STAT1: variants seen among roughly 807,000 people sequenced by gnomAD.
STAT1 encodes signal transducer and activator of transcription 1-alpha/beta.
Under a neutral mutation model 111.7 loss-of-function variants are expected in STAT1, and 24 were observed. The observed-to-expected ratio is 0.21, with a 90% CI of 0.16 to 0.30. The LOEUF (loss-of-function observed/expected upper bound fraction) is 0.30. STAT1 is among the 10% of genes least tolerant of loss of function. The pLI, the probability that STAT1 is intolerant of heterozygous loss-of-function variation, is 1.00. For missense variants in STAT1, 351 were observed against 911.9 expected (o/e 0.38, Z 7.92); for synonymous variants, 332 against 326.5 (o/e 1.02, Z -0.18).
At position 190,986,720 on chromosome 2, in the gene STAT1, A is replaced by G; in HGVS notation, c.1221+134T>C. Reference sequence around the variant, plus strand: ...AATGCCCCAAGTACTGGCGACAGGAAGACACCAGCCACAAAGTCTACAAAC... The same window carrying G: ...AATGCCCCAAGTACTGGCGACAGGAGGACACCAGCCACAAAGTCTACAAAC... On this transcript the variant is annotated intron_variant, in intron 14 of 24. Coordinates refer to ENST00000361099, the MANE Select transcript of STAT1 (RefSeq NM_007315.4). The surrounding 1 kb of genome is among the most constrained non-coding windows in gnomAD (Gnocchi z 5.0). 1 of 845,868 alleles carries G rather than the reference A, an allele frequency of 1.2e-6. No individual in the cohort carries two copies. The highest frequency in any genetic ancestry group is 2.4e-5 in the East Asian group (1 of 41,326). 52.4% of individuals were successfully genotyped at this position (845,868 alleles called of 1,614,324 possible).
chr2:191,007,266 G>A lies in STAT1; in HGVS notation c.372+297C>T, dbSNP rs1403574469. On this transcript the variant is annotated intron_variant, in intron 5 of 24. Coordinates refer to ENST00000361099, the MANE Select transcript of STAT1 (RefSeq NM_007315.4). This position sits in a 1 kb window ranked among gnomAD's most constrained non-coding sequence, Gnocchi z 4.2. ...GGCCTTTCCTGACCCTGATCTAAAG[G>A]AACAACCCCACTCCCAGCCACTCCA... Among the ~76,000 whole-genome samples, 1 of 152,016 alleles carries A rather than the reference G, an allele frequency of 6.6e-6. No individual in the cohort carries two copies. The highest frequency in any genetic ancestry group is 2.4e-5 in the African/African-American group (1 of 41,362).
At chr2:190,972,488 G>A (rs748368968) in intron 24 of STAT1, among the ~76,000 whole-genome samples, 3 of 152,160 alleles carry the variant, frequency 2.0e-5, no homozygotes, top group African/African-American at 7.2e-5. Flanking sequence ...TGCACCAGGC[G>A]TTGGCCCCTG....
At chr2:190,988,909 G>T (rs1693086189) in intron 12 of STAT1, among the ~76,000 whole-genome samples, 1 of 150,734 alleles carries the variant, frequency 6.6e-6, no homozygotes, top group Non-Finnish European at 1.5e-5. Context: ...TATGGGAGGG[G>T]TGGGGGGGGA....
Position 190,971,840 on chromosome 2 carries a change from G to C in STAT1, c.2239-1123C>G, listed in dbSNP as rs952885763. On this transcript the variant is annotated intron_variant, in intron 24 of 24. Coordinates refer to ENST00000361099, the MANE Select transcript of STAT1 (RefSeq NM_007315.4). The surrounding 1 kb of genome is among the most constrained non-coding windows in gnomAD (Gnocchi z 4.1). ...CGATCCTCCTGCCTCAGCCCCCCTAGTAGCTGGGATTACAGGCACACACCA... is the reference window on the plus strand; with the variant it reads ...CGATCCTCCTGCCTCAGCCCCCCTACTAGCTGGGATTACAGGCACACACCA... Among the ~76,000 whole-genome samples the C allele has an allele frequency of 6.6e-6, 1 of 152,042 alleles. No homozygotes were observed. Among genetic ancestry groups the C allele is most frequent in the Non-Finnish European group, 1.5e-5 (1 of 68,002 alleles).
intron 3 of STAT1, among the ~76,000 whole-genome samples, chr2:191,009,616 G>A (rs888040528): frequency 6.6e-6 from 1 of 152,148 alleles, no homozygotes; most frequent in African/African-American, 2.4e-5. Context: ...CTTGTCCAAA[G>A]CATTTAGGAA....
rs897512492 is a variant in STAT1 at position 190,978,808 on chromosome 2, C to A, written c.1873+48G>T. 1.9e-6 allele frequency: 3 copies of A among 1,609,618 alleles called. No homozygotes were observed. The African/African-American group carries it at 4.0e-5, about 22-fold the overall frequency. Reference sequence around the variant, plus strand: ...GCTGACTGGCGGCGATGAAGAGGGACTTCACACACATGGAATGGTGGGACT... The same window carrying A: ...GCTGACTGGCGGCGATGAAGAGGGAATTCACACACATGGAATGGTGGGACT... On this transcript the variant is annotated intron_variant, in intron 21 of 24. Transcript: ENST00000361099. The surrounding 1 kb of genome is among the most constrained non-coding windows in gnomAD (Gnocchi z 6.1).
chr2:190,979,694 T>C lies in STAT1; in HGVS notation c.1727+78A>G. 8.5e-7 allele frequency: 1 copy of C among 1,175,006 alleles called. No homozygotes were observed. Among genetic ancestry groups the C allele is most frequent in the Non-Finnish European group, 1.3e-6 (1 of 781,902 alleles). The allele number at this position is 1,175,006 out of a possible 1,614,324, so 72.8% of individuals were successfully genotyped here. A position where few individuals can be genotyped will look rare whatever the true frequency, so the allele number is the denominator to read the frequency against. ...GATTCACACACGCCTAGTCAAATAC[T>C]GAAGCTGGACTCAGGCCTTGTCTCA... is the stretch of plus-strand genomic sequence containing the variant. On this transcript the variant is annotated intron_variant, in intron 20 of 24. Transcript: ENST00000361099. The surrounding 1 kb of genome is among the most constrained non-coding windows in gnomAD (Gnocchi z 5.8).
At chr2:191,001,234 G>A in intron 5 of STAT1, 71 bp from the exon 6 acceptor site, 1 of 1,191,782 alleles carries the variant, frequency 8.4e-7, no homozygotes, top group African/African-American at 1.5e-5. Context: ...ACACTCCAAA[G>A]TCAAGTCCCC....
rs922858723 is a variant in STAT1 at position 190,971,837 on chromosome 2, C to G, written c.2239-1120G>C. On this transcript the variant is annotated intron_variant, in intron 24 of 24. Transcript: ENST00000361099. This position sits in a 1 kb window ranked among gnomAD's most constrained non-coding sequence, Gnocchi z 4.1. Reference sequence around the variant, plus strand: ...AAGCGATCCTCCTGCCTCAGCCCCCCTAGTAGCTGGGATTACAGGCACACA... The same window carrying G: ...AAGCGATCCTCCTGCCTCAGCCCCCGTAGTAGCTGGGATTACAGGCACACA... 2.6e-5 allele frequency among the ~76,000 whole-genome samples: 4 copies of G among 152,016 alleles called. No homozygotes were observed. Among genetic ancestry groups the G allele is most frequent in the Non-Finnish European group, 5.9e-5 (4 of 67,984 alleles).
At position 190,986,793 on chromosome 2, in the gene STAT1, C is replaced by T; in HGVS notation, c.1221+61G>A. 2 of 1,520,524 alleles carry T rather than the reference C, an allele frequency of 1.3e-6. No individual in the cohort carries two copies. The highest frequency in any genetic ancestry group is 1.8e-6 in the Non-Finnish European group (2 of 1,095,132). 94.2% of individuals were successfully genotyped at this position (1,520,524 alleles called of 1,614,324 possible). ...CATGGCAATGTGCCAAAAAGGGCTG[C>T]TCTATTGTCAAAAGTCCTAAGAAAC... On this transcript the variant is annotated intron_variant, in intron 14 of 24. Coordinates refer to ENST00000361099, the MANE Select transcript of STAT1 (RefSeq NM_007315.4). This position sits in a 1 kb window ranked among gnomAD's most constrained non-coding sequence, Gnocchi z 5.0.
chr2:190,987,144 A>G lies in STAT1; in HGVS notation c.1098-76T>C. ...AGCTTTAACAAAATTATAAGAGTAT[A>G]AGAGCATAAGAGTGTAAGTGAATGA... On this transcript the variant is annotated intron_variant, in intron 12 of 24. Coordinates refer to ENST00000361099, the MANE Select transcript of STAT1 (RefSeq NM_007315.4). The surrounding 1 kb of genome is among the most constrained non-coding windows in gnomAD (Gnocchi z 4.0). 9.4e-7 allele frequency: 1 copy of G among 1,069,226 alleles called. No individual in the cohort carries two copies. Among genetic ancestry groups the G allele is most frequent in the Admixed American group, 1.8e-5 (1 of 55,182 alleles). The allele number at this position is 1,069,226 out of a possible 1,614,324, so 66.2% of individuals were successfully genotyped here. A position where few individuals can be genotyped will look rare whatever the true frequency, so the allele number is the denominator to read the frequency against.
rs757900421 is a variant in STAT1 at position 190,999,713 on chromosome 2, A to G, written c.463-9T>C. The G allele has an allele frequency of 6.2e-7, 1 of 1,602,372 alleles. No homozygotes were observed. On this transcript the variant is annotated splice_polypyrimidine_tract_variant and intron_variant, in intron 6 of 24. Coordinates refer to ENST00000361099, the MANE Select transcript of STAT1 (RefSeq NM_007315.4). This position sits in a 1 kb window ranked among gnomAD's most constrained non-coding sequence, Gnocchi z 4.1. ...ATTTCATGCTCTATACACTACAAAC[A>G]AAGATGTAAACATGTTTTCTACTGA...
chr2:191,005,651 G>T (rs539354811), intron 5 of STAT1, among the ~76,000 whole-genome samples: 1 of 152,172 alleles, frequency 6.6e-6, no homozygotes, highest in Non-Finnish European at 1.5e-5. Flanking sequence ...GCACAAAAAC[G>T]CGATCACCTA....
At position 190,983,311 on chromosome 2, in the gene STAT1, T is replaced by C. The variant is rs1042653753; in HGVS notation, c.1446+331A>G. ...CATAAGTACTTTGAATAATTATAAATGACTGTAATTAATTAACAGTGAGTA... is the reference window on the plus strand; with the variant it reads ...CATAAGTACTTTGAATAATTATAAACGACTGTAATTAATTAACAGTGAGTA... On this transcript the variant is annotated intron_variant, in intron 17 of 24. Coordinates refer to ENST00000361099, the MANE Select transcript of STAT1 (RefSeq NM_007315.4). The surrounding 1 kb of genome is among the most constrained non-coding windows in gnomAD (Gnocchi z 5.7). Among the ~76,000 whole-genome samples the C allele has an allele frequency of 6.6e-6, 1 of 152,322 alleles. No individual in the cohort carries two copies. The highest frequency in any genetic ancestry group is 1.9e-4 in the East Asian group (1 of 5,192).
rs749333159 is a variant in STAT1, at chr2:190,974,839, G to A, written c.2229C>T (p.Phe743=). Residue 743 remains phenylalanine, a synonymous_variant, in exon 24 of 25, where the codon TTC becomes TTT. Coordinates refer to ENST00000361099, the MANE Select transcript of STAT1 (RefSeq NM_007315.4). The surrounding 1 kb of genome is among the most constrained non-coding windows in gnomAD (Gnocchi z 4.8). The part of the protein sequence containing the change: ...EVSRIVGSVE[F]DSMMNTV ...CAGCCGTGGTACTCACCATACTGTC[G>A]AATTCTACAGAGCCCACTATCCGAG... 5.6e-6 allele frequency: 9 copies of A among 1,613,862 alleles called. No homozygotes were observed. The highest frequency in any genetic ancestry group is 4.5e-5 in the East Asian group (2 of 44,892).
At position 190,980,790 on chromosome 2, in the gene STAT1, G is replaced by A; in HGVS notation, c.1583-121C>T. 1 of 950,064 alleles carries A rather than the reference G, an allele frequency of 1.1e-6. No homozygotes were observed. The allele number at this position is 950,064 out of a possible 1,614,324, so 58.9% of individuals were successfully genotyped here. ...GCCAAACACCCAACAAAGATTGTATGTACACAGTTGACATTTTCGGATACC... is the reference window on the plus strand; with the variant it reads ...GCCAAACACCCAACAAAGATTGTATATACACAGTTGACATTTTCGGATACC... On this transcript the variant is annotated intron_variant, in intron 18 of 24. Transcript: ENST00000361099. This position sits in a 1 kb window ranked among gnomAD's most constrained non-coding sequence, Gnocchi z 6.1.
At position 190,993,228 on chromosome 2, in the gene STAT1, TG is replaced by T; in HGVS notation, c.944+1832del. The stretch of plus-strand genomic sequence containing the variant: ...ACCAACAATTTGTTGACGTTTTCAC[TG>T]GGATAATGATCTATTTTCTGCAGTC... On this transcript the variant is annotated intron_variant, in intron 10 of 24. Transcript: ENST00000361099. This position sits in a 1 kb window ranked among gnomAD's most constrained non-coding sequence, Gnocchi z 4.1. 1.7e-6 allele frequency: 1 copy of T among 577,166 alleles called. No homozygotes were observed. Among genetic ancestry groups the T allele is most frequent in the Non-Finnish European group, 3.3e-6 (1 of 306,592 alleles). 35.8% of individuals were successfully genotyped at this position (577,166 alleles called of 1,614,324 possible). A position where few individuals can be genotyped will look rare whatever the true frequency, so the allele number is the denominator to read the frequency against.
chr2:190,978,748 T>A lies in STAT1; in HGVS notation c.1873+108A>T. ...GCTCATTTGGGGTAAGTATAAGATC[T>A]GCAATTTCATGTCCCAAACGCACTA... is the stretch of plus-strand genomic sequence containing the variant. On this transcript the variant is annotated intron_variant, in intron 21 of 24. Transcript: ENST00000361099. The surrounding 1 kb of genome is among the most constrained non-coding windows in gnomAD (Gnocchi z 6.1). The A allele has an allele frequency of 6.9e-7, 1 of 1,441,658 alleles. No homozygotes were observed. Among genetic ancestry groups the A allele is most frequent in the Non-Finnish European group, 9.5e-7 (1 of 1,052,642 alleles). 89.3% of individuals were successfully genotyped at this position (1,441,658 alleles called of 1,614,324 possible). A position where few individuals can be genotyped will look rare whatever the true frequency, so the allele number is the denominator to read the frequency against.
In STAT1 at chr2:190,970,811, G is replaced by A; in HGVS notation, c.2239-94C>T. On this transcript the variant is annotated intron_variant, in intron 24 of 24. Transcript: ENST00000361099. The surrounding 1 kb of genome is among the most constrained non-coding windows in gnomAD (Gnocchi z 5.4). ...CATTGCTTGTCTATTCTAGAATGAA[G>A]TAGTAGGAAGATACTTGCAATGGCA... 8.1e-7 allele frequency: 1 copy of A among 1,229,706 alleles called. No homozygotes were observed. The highest frequency in any genetic ancestry group is 1.2e-6 in the Non-Finnish European group (1 of 837,552). The allele number at this position is 1,229,706 out of a possible 1,614,324, so 76.2% of individuals were successfully genotyped here.
Sources: allele counts gnomAD v4.1 joint callset (sites outside exome capture counted in the v4.1 genomes callset), GRCh38; gene constraint gnomAD v4.1.1; non-coding constraint Gnocchi (gnomAD v3.1); transcripts MANE v1.5; gene names NCBI Gene and HGNC (gene_info 2026-07-23, HGNC 2026-07-21).